Variants in SCRG1 observed in about 807,000 individuals in gnomAD.
The protein encoded by SCRG1 is scrapie-responsive protein 1.
Under a neutral mutation model 7.7 loss-of-function variants are expected in SCRG1, and 3 were observed. The observed-to-expected ratio is 0.39, with a 90% CI of 0.18 to 1.01. The LOEUF (loss-of-function observed/expected upper bound fraction) is 1.01, where lower values mean the gene tolerates loss of function less well. SCRG1 is among the 50% of genes least tolerant of loss of function. The pLI, the probability that SCRG1 is intolerant of heterozygous loss-of-function variation, is 0.36. For missense variants in SCRG1, 110 were observed against 117.2 expected (o/e 0.94, Z 0.28); for synonymous variants, 46 against 41.2 (o/e 1.12, Z -0.44).
the SCRG1 span, among the ~76,000 whole-genome samples, chr4:173,508,961 G>A: frequency 1.3e-4 from 20 of 152,320 alleles, no homozygotes; most frequent in East Asian, 3.5e-3. This position sits in a 1 kb window ranked among gnomAD's most constrained non-coding sequence, Gnocchi z 4.4. Context: ...AGGCGAGATA[G>A]CCAGCTTCCC....
the SCRG1 span, among the ~76,000 whole-genome samples, chr4:173,416,204 C>A: frequency 2.0e-5 from 3 of 152,362 alleles, no homozygotes; most frequent in African/African-American, 7.2e-5. Flanking sequence ...ACTTATCCTG[C>A]TCAAAGCCTC....
chr4:173,484,754 A>ATATAATACATATTATATATTATATG, the SCRG1 span, among the ~76,000 whole-genome samples: 2,839 of 32,678 alleles, frequency 0.087, 200 homozygotes, highest in Non-Finnish European at 0.12. Context: ...TATATTATAT[A>ATATAATACATATTATATATTATATG]CATATAATAC....
the SCRG1 span, among the ~76,000 whole-genome samples, chr4:173,457,030 C>A: frequency 6.6e-6 from 1 of 152,210 alleles, no homozygotes; most frequent in African/African-American, 2.4e-5. Context: ...TCTTTCTCTA[C>A]ATCAGAGGCC....
At chr4:173,487,437 A>C in the SCRG1 span, among the ~76,000 whole-genome samples, 1 of 152,312 alleles carries the variant, frequency 6.6e-6, no homozygotes, top group South Asian at 2.1e-4. Context: ...TAGACAGCAA[A>C]AGTCCTTTGA....
chr4:173,498,792 A>G, the SCRG1 span, among the ~76,000 whole-genome samples: 1 of 152,234 alleles, frequency 6.6e-6, no homozygotes, highest in Non-Finnish European at 1.5e-5. Context: ...GGAGAGACAG[A>G]TAGAGACAGA....
chr4:173,433,921 TC>T, the SCRG1 span, among the ~76,000 whole-genome samples: 1 of 152,238 alleles, frequency 6.6e-6, no homozygotes, highest in Non-Finnish European at 1.5e-5. Context: ...TTCTGGAAAC[TC>T]CAACCTCTTC....
At chr4:173,390,397 T>C (rs1245129120) in intron 2 of SCRG1, among the ~76,000 whole-genome samples, 2 of 152,178 alleles carry the variant, frequency 1.3e-5, no homozygotes, top group African/African-American at 4.8e-5. Context: ...TAGAAATTTA[T>C]TTTTGACCGT....
the SCRG1 span, among the ~76,000 whole-genome samples, chr4:173,449,569 A>C: frequency 1.3e-4 from 20 of 152,074 alleles, no homozygotes; most frequent in Admixed American, 1.0e-3. Context: ...TGCATTCCAA[A>C]AACGTGGCTT....
the SCRG1 span, among the ~76,000 whole-genome samples, chr4:173,426,878 C>G: frequency 6.6e-6 from 1 of 152,174 alleles, no homozygotes; most frequent in Non-Finnish European, 1.5e-5. Flanking sequence ...CCCTGGTACC[C>G]TTGCAGATCA....
chr4:173,400,083 AGAT>A (rs982048740), upstream of SCRG1, among the ~76,000 whole-genome samples: 15 of 152,230 alleles, frequency 9.9e-5, no homozygotes, highest in Non-Finnish European at 2.1e-4. Context: ...ATGAATGGAA[AGAT>A]GATGAAAACA....
the SCRG1 span, among the ~76,000 whole-genome samples, chr4:173,485,190 G>T: frequency 0.43 from 12,937 of 29,968 alleles, 5,303 homozygotes; most frequent in Non-Finnish European, 0.56. Flanking sequence ...TACATTATAT[G>T]TAATATATAT....
chr4:173,402,062 A>C (rs1739776216), upstream of SCRG1, among the ~76,000 whole-genome samples: 1 of 152,092 alleles, frequency 6.6e-6, no homozygotes. Context: ...TGTTACTCAG[A>C]CCTCTTATCG....
At chr4:173,413,867 T>G in the SCRG1 span, among the ~76,000 whole-genome samples, 2 of 152,326 alleles carry the variant, frequency 1.3e-5, no homozygotes, top group East Asian at 3.9e-4. Context: ...TTCAGAAGTC[T>G]TCTCCAATAT....
the SCRG1 span, among the ~76,000 whole-genome samples, chr4:173,471,367 T>C: frequency 2.6e-4 from 40 of 152,326 alleles, no homozygotes; most frequent in Non-Finnish European, 1.9e-4. Context: ...GCTGGCATTA[T>C]TGGTATCCTA....
the SCRG1 span, among the ~76,000 whole-genome samples, chr4:173,459,608 C>T: frequency 6.6e-6 from 1 of 152,146 alleles, no homozygotes; most frequent in Non-Finnish European, 1.5e-5. Flanking sequence ...GTTACAGCTA[C>T]AGCCAATCTA....
At chr4:173,425,987 T>C in the SCRG1 span, among the ~76,000 whole-genome samples, 2 of 152,242 alleles carry the variant, frequency 1.3e-5, no homozygotes, top group African/African-American at 2.4e-5. Flanking sequence ...GCCCATGCCA[T>C]GGGGGGCTGA....
At chr4:173,485,120 A>AT in the SCRG1 span, among the ~76,000 whole-genome samples, 1 of 20,468 alleles carries the variant, frequency 4.9e-5, no homozygotes, top group Non-Finnish European at 1.3e-4. Flanking sequence ...TATATAATAT[A>AT]TAATATATCA....
At chr4:173,436,889 G>GTGT in the SCRG1 span, among the ~76,000 whole-genome samples, 1 of 152,166 alleles carries the variant, frequency 6.6e-6, no homozygotes, top group African/African-American at 2.4e-5. Context: ...TGTCCCAGGT[G>GTGT]TGTTGATTTT....
At chr4:173,447,074 T>C in the SCRG1 span, among the ~76,000 whole-genome samples, 1 of 152,244 alleles carries the variant, frequency 6.6e-6, no homozygotes, top group Non-Finnish European at 1.5e-5. Context: ...CAGGCTGCCA[T>C]AACAAATTGC....
Sources: allele counts gnomAD v4.1 joint callset (sites outside exome capture counted in the v4.1 genomes callset), GRCh38; gene constraint gnomAD v4.1.1; non-coding constraint Gnocchi (gnomAD v3.1); transcripts MANE v1.5; gene names NCBI Gene and HGNC (gene_info 2026-07-23, HGNC 2026-07-21).